The following ARHGAP25 variants were observed in gnomAD, a reference collection of about 807,000 sequenced individuals.
The protein encoded by ARHGAP25 is Rho GTPase activating protein 25.
ARHGAP25 carries 34 observed loss-of-function variants against 71.0 expected under a neutral mutation model. The ratio of observed to expected loss-of-function variants is 0.48; its 90% CI spans 0.36 to 0.64. The LOEUF (loss-of-function observed/expected upper bound fraction) is 0.64, where lower values mean the gene tolerates loss of function less well. ARHGAP25 is among the 30% of genes least tolerant of loss of function. The pLI, the probability that ARHGAP25 is intolerant of heterozygous loss-of-function variation, is 0.00. For missense variants in ARHGAP25, 706 were observed against 805.1 expected, an observed-to-expected ratio of 0.88 and a Z score of 1.49; for synonymous variants, 282 against 296.5, an observed-to-expected ratio of 0.95 and a Z score of 0.50.
At chr2:68,823,843 A>T (rs146153442) in intron 10 of ARHGAP25, among the ~76,000 whole-genome samples, 154 of 152,318 alleles carry the variant, frequency 1.0e-3, no homozygotes, top group African/African-American at 3.4e-3. Context: ...CTGTGCACAC[A>T]ATTTGTTCTC....
intron 2 of ARHGAP25, among the ~76,000 whole-genome samples, chr2:68,729,164 T>C (rs1674950449): frequency 6.6e-6 from 1 of 152,252 alleles, no homozygotes; most frequent in Non-Finnish European, 1.5e-5. Context: ...GAAAGTGTTC[T>C]ACAGTTGATT....
At chr2:68,817,752 T>C in intron 7 of ARHGAP25, 121 bp from the exon 8 acceptor site, 3 of 1,249,240 alleles carry the variant, frequency 2.4e-6, no homozygotes, top group Non-Finnish European at 3.4e-6. Flanking sequence ...AGCAGGCTGG[T>C]CTCATTCCTG....
intron 4 of ARHGAP25, among the ~76,000 whole-genome samples, chr2:68,804,849 A>AT (rs1680248712): frequency 6.6e-6 from 1 of 152,238 alleles, no homozygotes; most frequent in Non-Finnish European, 1.5e-5. Context: ...AAATTTGTTG[A>AT]CTGTCTACCT....
chr2:68,710,814 C>T (rs1674463632), intron 2 of ARHGAP25: 1 of 152,198 alleles, frequency 6.6e-6, no homozygotes, highest in Non-Finnish European at 1.5e-5. Flanking sequence ...TCTTATATAA[C>T]TGAGAGTTAG....
chr2:68,742,690 C>T (rs1240835503), intron 1 of ARHGAP25, among the ~76,000 whole-genome samples: 1 of 152,198 alleles, frequency 6.6e-6, no homozygotes, highest in African/African-American at 2.4e-5. Flanking sequence ...TTGGTGAAAA[C>T]CACAGCCAGC....
intron 2 of ARHGAP25, among the ~76,000 whole-genome samples, chr2:68,719,715 C>T (rs1674707485): frequency 6.6e-6 from 1 of 152,072 alleles, no homozygotes; most frequent in Non-Finnish European, 1.5e-5. Context: ...ATGACCCAGG[C>T]ACTTTACATA....
chr2:68,791,926 G>A (rs1365977085), intron 4 of ARHGAP25, among the ~76,000 whole-genome samples: 3 of 152,030 alleles, frequency 2.0e-5, no homozygotes, highest in African/African-American at 7.3e-5. Flanking sequence ...CTAATTTCTT[G>A]CCACCCTTCT....
intron 1 of ARHGAP25, among the ~76,000 whole-genome samples, chr2:68,760,734 G>T (rs892024472): frequency 2.0e-5 from 3 of 151,764 alleles, no homozygotes; most frequent in African/African-American, 7.3e-5. Flanking sequence ...TCCCTAGGTT[G>T]GAAGACTTAA....
intron 2 of ARHGAP25, among the ~76,000 whole-genome samples, chr2:68,716,389 C>CG (rs1263423636): frequency 6.6e-6 from 1 of 152,178 alleles, no homozygotes; most frequent in African/African-American, 2.4e-5. Flanking sequence ...TTGGAACATA[C>CG]GCTAATGCTA....
intron 1 of ARHGAP25, among the ~76,000 whole-genome samples, chr2:68,761,254 A>C (rs1223487375): frequency 1.3e-5 from 2 of 152,102 alleles, no homozygotes; most frequent in Admixed American, 6.5e-5. Context: ...GGACCTATGA[A>C]CTAAATTTAA....
At chr2:68,750,266 C>T (rs1421586926) in intron 1 of ARHGAP25, among the ~76,000 whole-genome samples, 1 of 151,804 alleles carries the variant, frequency 6.6e-6, no homozygotes, top group African/African-American at 2.4e-5. Context: ...CCACCTTGGC[C>T]TCCCCAAGTG....
At chr2:68,791,724 G>A (rs1333527524) in intron 4 of ARHGAP25, among the ~76,000 whole-genome samples, 2 of 152,238 alleles carry the variant, frequency 1.3e-5, no homozygotes, top group Admixed American at 1.3e-4. Context: ...ATTGTGCAGA[G>A]CCGATGCCTC....
chr2:68,751,211 C>T (rs1356781856), intron 1 of ARHGAP25, among the ~76,000 whole-genome samples: 5 of 152,160 alleles, frequency 3.3e-5, no homozygotes, highest in African/African-American at 1.2e-4. Context: ...AGGACTTGCT[C>T]ACTCACCCAG....
intron 2 of ARHGAP25, among the ~76,000 whole-genome samples, chr2:68,781,072 G>C (rs948128874): frequency 6.6e-6 from 1 of 152,184 alleles, no homozygotes; most frequent in African/African-American, 2.4e-5. Flanking sequence ...TGGATATGGA[G>C]TTGTTGTGGG....
intron 8 of ARHGAP25, 142 bp downstream of exon 8, chr2:68,818,136 G>A (rs1167375481): frequency 7.7e-6 from 9 of 1,164,944 alleles, no homozygotes; most frequent in Non-Finnish European, 9.9e-6. Context: ...ATAGCCTTGT[G>A]AGGTAGGCAG....
At chr2:68,822,995 T>C in intron 10 of ARHGAP25, 123 bp downstream of exon 10, 1 of 1,011,704 alleles carries the variant, frequency 9.9e-7, no homozygotes, top group South Asian at 1.7e-5. Context: ...CAGTAATCTA[T>C]AGCAGGCCTA....
chr2:68,823,707 G>A (rs566616503), intron 10 of ARHGAP25, among the ~76,000 whole-genome samples: 21 of 152,256 alleles, frequency 1.4e-4, no homozygotes, highest in African/African-American at 5.1e-4. Flanking sequence ...GCTTCGGGGT[G>A]GTTTCAACCT....
intron 1 of ARHGAP25, among the ~76,000 whole-genome samples, chr2:68,766,161 T>A (rs183197381): frequency 6.6e-6 from 1 of 152,234 alleles, no homozygotes; most frequent in Non-Finnish European, 1.5e-5. Flanking sequence ...GGGTCAGTAC[T>A]TCGATTGCTC....
At chr2:68,805,965 C>T (rs1680330214) in intron 4 of ARHGAP25, among the ~76,000 whole-genome samples, 1 of 152,154 alleles carries the variant, frequency 6.6e-6, no homozygotes, top group Non-Finnish European at 1.5e-5. Context: ...AATGGATAGG[C>T]AGTGGTTGTC....
Sources: gnomAD v4.1 joint callset for allele counts (sites outside exome capture counted in the v4.1 genomes callset) on GRCh38, gnomAD v4.1.1 for gene constraint, MANE v1.5 for transcripts, NCBI Gene and HGNC (gene_info 2026-07-23, HGNC 2026-07-21) for gene names.